Variants in XIST observed in about 807,000 individuals in gnomAD.
XIST encodes X inactive specific transcript (non-protein coding).
At chrX:73,843,230 A>T (rs918077922) in exon 1 of XIST, 2 of 556,443 alleles carry the variant, frequency 3.6e-6, no homozygotes, top group African/African-American at 4.5e-5. Flanking sequence ...ATAATATCCC[A>T]CTCTACCAGA....
exon 6 of XIST, chrX:73,824,563 C>T: frequency 1.8e-6 from 1 of 553,154 alleles, no homozygotes; most frequent in East Asian, 3.3e-5. Flanking sequence ...TGTATAACTA[C>T]TTATAGAACC....
intron 3 of XIST, among the ~76,000 whole-genome samples, chrX:73,831,971 T>C (rs955930174): frequency 4.5e-5 from 5 of 112,082 alleles, no homozygotes; most frequent in African/African-American, 1.6e-4. Flanking sequence ...ACCTGTATAA[T>C]AGGGCGCCAC....
At chrX:73,851,517 C>G (rs775670282) in exon 1 of XIST, 2 of 558,862 alleles carry the variant, frequency 3.6e-6, no homozygotes, top group Non-Finnish European at 6.5e-6. Flanking sequence ...TAACAAAGCA[C>G]AGCCCGCCAT....
chrX:73,845,478 G>A (rs763161060), exon 1 of XIST: 1 of 555,665 alleles, frequency 1.8e-6, no homozygotes, highest in East Asian at 3.3e-5. Context: ...TATATGGAGT[G>A]GACACTCCCT....
chrX:73,828,877 G>A, intron 5 of XIST: 1 of 370,430 alleles, frequency 2.7e-6, no homozygotes. Flanking sequence ...CAACTGGTAA[G>A]AAGACCATAA....
chrX:73,851,373 G>T (rs751989832), exon 1 of XIST: 5 of 559,183 alleles, frequency 8.9e-6, no homozygotes, highest in South Asian at 8.9e-5. Context: ...AAGACCTTCA[G>T]CCGCCATCTT....
At chrX:73,841,133 G>A (rs1294510743) in intron 1 of XIST, among the ~76,000 whole-genome samples, 1 of 111,423 alleles carries the variant, frequency 9.0e-6, no homozygotes, top group Non-Finnish European at 1.9e-5. Context: ...TCCTACCCAG[G>A]TTATCAGTGT....
intron 2 of XIST, among the ~76,000 whole-genome samples, chrX:73,834,488 G>T (rs748864566): frequency 1.8e-5 from 2 of 112,667 alleles, no homozygotes; most frequent in South Asian, 7.4e-4. Context: ...TAAGGCTAGA[G>T]AAAGTGGTTA....
chrX:73,822,278 C>T (rs757220976), exon 6 of XIST: 3 of 556,474 alleles, frequency 5.4e-6, no homozygotes, highest in Non-Finnish European at 9.7e-6. Flanking sequence ...AAGCTCACTA[C>T]AAAACCCAGC....
At chrX:73,846,103 G>C in exon 1 of XIST, 1 of 554,646 alleles carries the variant, frequency 1.8e-6, no homozygotes, top group Non-Finnish European at 3.2e-6. Flanking sequence ...AAGGAAGATT[G>C]GGGGTGGAGT....
chrX:73,844,376 G>A (rs754569767), exon 1 of XIST: 3 of 558,250 alleles, frequency 5.4e-6, no homozygotes, highest in Non-Finnish European at 9.7e-6. Flanking sequence ...AAAGCAAAGG[G>A]AGTCCATGAG....
At chrX:73,829,365 T>C in intron 4 of XIST, 1 of 422,921 alleles carries the variant, frequency 2.4e-6, no homozygotes, top group Non-Finnish European at 4.1e-6. Flanking sequence ...GTCAAAACTT[T>C]TAGGTCTTTA....
At chrX:73,826,818 T>C in exon 6 of XIST, 1 of 558,679 alleles carries the variant, frequency 1.8e-6, no homozygotes, top group Non-Finnish European at 3.2e-6. Flanking sequence ...GTCTTCCAGC[T>C]ACAACCCTGG....
chrX:73,843,047 C>T (rs1021339864), exon 1 of XIST: 2 of 555,886 alleles, frequency 3.6e-6, no homozygotes, highest in African/African-American at 4.5e-5. Context: ...TGGAATACTC[C>T]AATGCTTATA....
exon 6 of XIST, chrX:73,823,054 CT>C (rs755255238): frequency 6.2e-5 from 34 of 551,128 alleles, no homozygotes; most frequent in South Asian, 1.9e-4. Context: ...GCAAAAGAAT[CT>C]TTTTTTTATT....
chrX:73,846,015 T>C lies in XIST; in HGVS notation n.6709A>G, dbSNP rs1402358134. The C allele has an allele frequency of 1.1e-5, 6 of 554,901 alleles. No homozygotes were observed. The Admixed American group carries it at 1.3e-4, about 12-fold the overall frequency. The allele number at this position is 554,901 out of a possible 1,213,427, so 45.7% of individuals were successfully genotyped here. The stretch of plus-strand genomic sequence containing the variant: ...CACATTAATGTCCAAGGTGTATGCC[T>C]GTGGTCACTTACAACTGTGCACCTT... On this transcript the variant is annotated non_coding_transcript_exon_variant, in exon 1 of 6. Coordinates refer to ENST00000429829, the Ensembl canonical transcript of XIST.
At chrX:73,844,106 G>T in exon 1 of XIST, 1 of 558,660 alleles carries the variant, frequency 1.8e-6, no homozygotes, top group African/African-American at 2.2e-5. Context: ...TTGAAAAGAG[G>T]TGGGGCATCC....
At chrX:73,823,900 C>T (rs752902513) in exon 6 of XIST, 1 of 555,157 alleles carries the variant, frequency 1.8e-6, no homozygotes, top group African/African-American at 2.2e-5. Flanking sequence ...TATCCTAGGG[C>T]ATGTAGTTCC....
At chrX:73,838,086 A>G (rs746335551) in intron 1 of XIST, among the ~76,000 whole-genome samples, 2 of 111,721 alleles carry the variant, frequency 1.8e-5, no homozygotes, top group Non-Finnish European at 3.8e-5. Context: ...GCTAATTTTC[A>G]GTCAAGGGAG....
Sources: gnomAD v4.1 joint callset for allele counts (sites outside exome capture counted in the v4.1 genomes callset) on GRCh38, gnomAD v4.1.1 for gene constraint, MANE v1.5 for transcripts, NCBI Gene and HGNC (gene_info 2026-07-23, HGNC 2026-07-21) for gene names.